Variants in FRMD4B observed in about 807,000 individuals in gnomAD.
The protein encoded by FRMD4B is FERM domain-containing protein 4B.
FRMD4B carries 74 observed loss-of-function variants against 141.5 expected under a neutral mutation model. That is an observed-to-expected ratio of 0.52 (90% CI 0.43 to 0.63). The LOEUF (loss-of-function observed/expected upper bound fraction) is 0.63. Among genes scored for constraint, FRMD4B ranks in the 30% least tolerant of loss-of-function variants. The pLI is 0.00. For synonymous variants in FRMD4B, 506 were observed against 467.9 expected (o/e 1.08, Z -1.05); for missense variants, 1,366 against 1,253.4 (o/e 1.09, Z -1.36).
chr3:69,468,357 C>T (rs1705828304), intron 1 of FRMD4B, among the ~76,000 whole-genome samples: 2 of 152,180 alleles, frequency 1.3e-5, no homozygotes, highest in South Asian at 4.1e-4. Flanking sequence ...GTAGTAGACA[C>T]TGTTGGTGGC....
intron 2 of FRMD4B, 109 bp from the exon 3 acceptor site, chr3:69,311,466 T>G (rs1701584764): frequency 3.3e-6 from 2 of 612,062 alleles, no homozygotes; most frequent in East Asian, 2.8e-5. Flanking sequence ...TTTGTTTGTT[T>G]CTTTATTACT....
At chr3:69,446,277 T>G (rs1328239188) in intron 1 of FRMD4B, among the ~76,000 whole-genome samples, 2 of 152,022 alleles carry the variant, frequency 1.3e-5, no homozygotes, top group African/African-American at 4.8e-5. Context: ...CTGCCCACTT[T>G]AGCCTCATAA....
chr3:69,436,410 G>C (rs1705260213), intron 1 of FRMD4B, among the ~76,000 whole-genome samples: 1 of 152,140 alleles, frequency 6.6e-6, no homozygotes, highest in South Asian at 2.1e-4. Flanking sequence ...ACACCTACTA[G>C]GACGGATATT....
intron 11 of FRMD4B, among the ~76,000 whole-genome samples, chr3:69,207,079 G>A (rs2093030596): frequency 6.6e-6 from 1 of 151,994 alleles, no homozygotes; most frequent in Non-Finnish European, 1.5e-5. Flanking sequence ...GAGGTGGGAG[G>A]ATCACTTGAG....
intron 1 of FRMD4B, among the ~76,000 whole-genome samples, chr3:69,531,050 T>C (rs1314248536): frequency 2.6e-5 from 4 of 152,176 alleles, no homozygotes; most frequent in Non-Finnish European, 4.4e-5. Context: ...GATGCAAATC[T>C]CAACTCTACC....
chr3:69,431,969 A>C (rs563243134), intron 2 of FRMD4B, among the ~76,000 whole-genome samples: 1 of 152,216 alleles, frequency 6.6e-6, no homozygotes, highest in Admixed American at 6.5e-5. Flanking sequence ...TTGAGATCTC[A>C]TCTGGTTGTG....
At position 69,336,106 on chromosome 3, in the gene FRMD4B, G is replaced by GC. The variant is rs1028131394; in HGVS notation, c.163-22590_163-22589insG. On this transcript the variant is annotated intron_variant, in intron 1 of 22. Coordinates refer to ENST00000398540, the MANE Select transcript of FRMD4B (RefSeq NM_015123.3). ...TCAAGAACCAATTATAACTTCCCTTGGGGGGTGAAGTCACCCTATGGAGAA... is the reference window on the plus strand; with the variant it reads ...TCAAGAACCAATTATAACTTCCCTTGCGGGGGTGAAGTCACCCTATGGAGAA... 2.7e-4 allele frequency among the ~76,000 whole-genome samples: 13 copies of GC among 47,400 alleles called. No individual in the cohort carries two copies. In the East Asian group the frequency reaches 2.9e-3, roughly 10 times the overall value. 31.1% of individuals were successfully genotyped at this position (47,400 alleles called of 152,430 possible). A position where few individuals can be genotyped will look rare whatever the true frequency, so the allele number is the denominator to read the frequency against.
intron 5 of FRMD4B, among the ~76,000 whole-genome samples, chr3:69,263,367 C>T (rs1370267864): frequency 4.8e-5 from 7 of 147,254 alleles, no homozygotes; most frequent in Non-Finnish European, 7.4e-5. Context: ...GTTTCCTTGA[C>T]GTTGATGCTA....
chr3:69,226,399 ATGTTC>A (rs1216563530), intron 7 of FRMD4B, among the ~76,000 whole-genome samples: 2 of 149,114 alleles, frequency 1.3e-5, no homozygotes, highest in East Asian at 4.0e-4. Context: ...AATCTCTCTT[ATGTTC>A]TGTCTGGCAT....
intron 1 of FRMD4B, among the ~76,000 whole-genome samples, chr3:69,378,151 T>C (rs1704022900): frequency 6.6e-6 from 1 of 151,552 alleles, no homozygotes; most frequent in Admixed American, 6.6e-5. Context: ...GTGTAGGTCC[T>C]CAGAGGGCTC....
chr3:69,284,472 G>A (rs887412219), intron 5 of FRMD4B, among the ~76,000 whole-genome samples: 2 of 152,026 alleles, frequency 1.3e-5, no homozygotes, highest in African/African-American at 4.8e-5. Flanking sequence ...TCAGTATGCA[G>A]AACAATTAGC....
rs1485570202 is a variant in FRMD4B at position 69,169,660 on chromosome 3, A to G, written c.*2201T>C. Among the ~76,000 whole-genome samples the G allele has an allele frequency of 1.3e-5, 2 of 151,832 alleles. No individual in the cohort carries two copies. Among genetic ancestry groups the G allele is most frequent in the Non-Finnish European group, 2.9e-5 (2 of 67,930 alleles). ...GTGTGAGCCGCTATGCCTGGCCCTG[A>G]GCTTCCATTTCTATACCTTCTTTTC... On this transcript the variant is annotated 3_prime_UTR_variant, in exon 23 of 23. Coordinates refer to ENST00000398540, the MANE Select transcript of FRMD4B (RefSeq NM_015123.3).
chr3:69,276,914 G>A (rs547804032), intron 5 of FRMD4B, among the ~76,000 whole-genome samples: 28 of 152,288 alleles, frequency 1.8e-4, no homozygotes, highest in Non-Finnish European at 3.2e-4. Context: ...GCAGTGAGCC[G>A]AGATTGTGCC....
intron 7 of FRMD4B, among the ~76,000 whole-genome samples, chr3:69,232,910 G>C (rs944470336): frequency 2.0e-5 from 2 of 101,722 alleles, no homozygotes; most frequent in African/African-American, 8.5e-5. Flanking sequence ...CACTTTTGTT[G>C]TTTGTTTTTT....
In FRMD4B at chr3:69,190,985, A is replaced by C. The variant is rs142659310; in HGVS notation, c.1715-1033T>G. Among the ~76,000 whole-genome samples the C allele has an allele frequency of 7.7e-4, 117 of 152,346 alleles. 1 individual carries two copies. The East Asian group carries it at 0.017, about 23-fold the overall frequency. On this transcript the variant is annotated intron_variant, in intron 17 of 22. Transcript: ENST00000398540. Reference sequence around the variant, plus strand: ...CTGGGGTGAGGCGTTAGAATAACGGATGTAAAGCCCCTAGCCCAGCTCCCA... The same window carrying C: ...CTGGGGTGAGGCGTTAGAATAACGGCTGTAAAGCCCCTAGCCCAGCTCCCA...
At chr3:69,501,466 C>T (rs1378012543) in intron 1 of FRMD4B, among the ~76,000 whole-genome samples, 2 of 152,128 alleles carry the variant, frequency 1.3e-5, no homozygotes, top group East Asian at 1.9e-4. Flanking sequence ...AAATGAACAT[C>T]TGCAGAGGCC....
intron 1 of FRMD4B, among the ~76,000 whole-genome samples, chr3:69,342,912 G>A (rs1405144310): frequency 6.6e-6 from 1 of 152,138 alleles, no homozygotes; most frequent in Admixed American, 6.5e-5. Flanking sequence ...AAGGGTGGGG[G>A]AAGGAGGGAT....
intron 5 of FRMD4B, among the ~76,000 whole-genome samples, chr3:69,285,636 G>A (rs889912909): frequency 3.3e-5 from 5 of 152,100 alleles, no homozygotes; most frequent in African/African-American, 9.7e-5. Context: ...CTGAGGTCAG[G>A]AGTTTGAGAC....
chr3:69,230,702 C>T (rs375619765), intron 7 of FRMD4B, among the ~76,000 whole-genome samples: 13 of 151,764 alleles, frequency 8.6e-5, no homozygotes, highest in African/African-American at 2.7e-4. Context: ...GAGTTGAGAT[C>T]GCATCATCGC....
Sources: allele counts gnomAD v4.1 joint callset (sites outside exome capture counted in the v4.1 genomes callset), GRCh38; gene constraint gnomAD v4.1.1; transcripts MANE v1.5; gene names NCBI Gene and HGNC (gene_info 2026-07-23, HGNC 2026-07-21).